Variants in IRAG2 observed in about 807,000 individuals in gnomAD.
The protein encoded by IRAG2 is lymphoid restricted membrane protein.
A neutral mutation model predicts 69.9 loss-of-function variants in IRAG2; 45 were observed. The ratio of observed to expected loss-of-function variants is 0.64; its 90% CI spans 0.51 to 0.83. The LOEUF is 0.83. IRAG2 is among the 40% of genes least tolerant of loss of function. The pLI is 0.00. For missense variants in IRAG2, 520 were observed against 587.0 expected, an observed-to-expected ratio of 0.89 and a Z score of 1.18; for synonymous variants, 193 against 202.4, an observed-to-expected ratio of 0.95 and a Z score of 0.40.
intron 7 of IRAG2, among the ~76,000 whole-genome samples, chr12:25,023,117 A>C (rs1944595244): frequency 7.8e-6 from 1 of 127,772 alleles, no homozygotes; most frequent in Non-Finnish European, 1.7e-5. Context: ...CAAGAGCGAG[A>C]CTTCGTCTCA....
chr12:25,055,527 A>G (rs1565540544), intron 1 of IRAG2, among the ~76,000 whole-genome samples: 1 of 152,196 alleles, frequency 6.6e-6, no homozygotes. Context: ...TTATATATGT[A>G]TACATGTACC....
intron 17 of IRAG2, chr12:25,103,470 AT>A: frequency 6.0e-6 from 1 of 165,580 alleles, no homozygotes; most frequent in Non-Finnish European, 1.3e-5. Context: ...AAAATTCAAT[AT>A]AAACAAAATT....
At chr12:25,052,105 T>C, upstream of IRAG2, 1 of 393,542 alleles carries the variant, frequency 2.5e-6, no homozygotes, top group Admixed American at 4.4e-5. Flanking sequence ...ACTTTCACTT[T>C]TTCCTCTGAT....
At chr12:25,029,243 TA>T (rs1944650006) in intron 9 of IRAG2, among the ~76,000 whole-genome samples, 1 of 152,204 alleles carries the variant, frequency 6.6e-6, no homozygotes, top group Non-Finnish European at 1.5e-5. Flanking sequence ...TCTTAGACAT[TA>T]AAATTAATTC....
At chr12:25,079,561 C>T (rs555347722) in intron 8 of IRAG2, 95 bp from the exon 9 acceptor site, 1 of 1,305,046 alleles carries the variant, frequency 7.7e-7, no homozygotes, top group South Asian at 1.2e-5. Context: ...ATGAGAAGAA[C>T]ATAGGCAAAT....
At chr12:25,087,548 A>G (rs1276477260) in intron 10 of IRAG2, among the ~76,000 whole-genome samples, 1 of 152,106 alleles carries the variant, frequency 6.6e-6, no homozygotes, top group Non-Finnish European at 1.5e-5. Flanking sequence ...TGTAATTCAC[A>G]TCATGTTTGC....
chr12:25,104,539 A>C (rs902719291), intron 20 of IRAG2, 77 bp downstream of exon 20: 1 of 810,350 alleles, frequency 1.2e-6, no homozygotes, highest in African/African-American at 1.7e-5. Context: ...TATTCCATGG[A>C]GATGAAATAA....
intron 1 of IRAG2, among the ~76,000 whole-genome samples, chr12:25,055,330 A>G (rs1025190770): frequency 2.0e-5 from 3 of 152,268 alleles, no homozygotes; most frequent in African/African-American, 7.2e-5. Flanking sequence ...GAAATGTGCC[A>G]TGAAAACTGT....
At chr12:25,024,847 A>C (rs1306868256) in intron 8 of IRAG2, among the ~76,000 whole-genome samples, 1 of 152,254 alleles carries the variant, frequency 6.6e-6, no homozygotes, top group African/African-American at 2.4e-5. Context: ...TATTTAGATG[A>C]GTGACACGTA....
chr12:25,102,496 A>G, intron 17 of IRAG2: 1 of 459,932 alleles, frequency 2.2e-6, no homozygotes, highest in Non-Finnish European at 3.9e-6. Context: ...GGAAGTGGGT[A>G]ACCCGACAAT....
At chr12:25,049,515 TA>T (rs990712606), upstream of IRAG2, among the ~76,000 whole-genome samples, 2 of 151,808 alleles carry the variant, frequency 1.3e-5, no homozygotes, top group Admixed American at 6.6e-5. Context: ...AGAACAACAA[TA>T]AAAAAACACA....
intron 5 of IRAG2, chr12:25,017,054 G>C: frequency 8.8e-7 from 1 of 1,134,158 alleles, no homozygotes; most frequent in Non-Finnish European, 1.1e-6. Flanking sequence ...TCAAAGTTTG[G>C]TTTGTTTAAC....
chr12:25,108,157 C>A lies in IRAG2; in HGVS notation c.*97C>A. On this transcript the variant is annotated 3_prime_UTR_variant, in exon 22 of 22. Transcript: ENST00000556887. ...TTAGCTGGGAAAGTATAGCATGAAA[C>A]CAGAGGTTCTCAGAATGACTGTAAG... 7.3e-7 allele frequency: 1 copy of A among 1,363,258 alleles called. No individual in the cohort carries two copies. Among genetic ancestry groups the A allele is most frequent in the South Asian group, 1.4e-5 (1 of 73,488 alleles). 84.4% of individuals were successfully genotyped at this position (1,363,258 alleles called of 1,614,324 possible). A position where few individuals can be genotyped will look rare whatever the true frequency, so the allele number is the denominator to read the frequency against.
At chr12:25,040,300 G>C (rs1944737577) in intron 16 of IRAG2, among the ~76,000 whole-genome samples, 1 of 152,170 alleles carries the variant, frequency 6.6e-6, no homozygotes, top group African/African-American at 2.4e-5. Flanking sequence ...TTTGAGCCTG[G>C]GAGTTCAGAC....
chr12:25,107,194 G>A (rs887996464), intron 21 of IRAG2, 144 bp downstream of exon 21: 1 of 434,242 alleles, frequency 2.3e-6, no homozygotes, highest in Non-Finnish European at 4.2e-6. Flanking sequence ...TGTATGTCAG[G>A]TTATCCTTGA....
At chr12:25,005,152 GT>G in intron 1 of IRAG2, 1 of 608,048 alleles carries the variant, frequency 1.6e-6, no homozygotes, top group Non-Finnish European at 2.4e-6. Context: ...ATTATGATAG[GT>G]TTTCTTTGTT....
chr12:25,066,471 A>C lies in IRAG2; in HGVS notation c.-100A>C. On this transcript the variant is annotated 5_prime_UTR_variant, in exon 5 of 22. Transcript: ENST00000556887. Reference sequence around the variant, plus strand: ...CTCTGTGTGAAAGGCCCACATATGGAGAAGTAAAGGATGGTGCTTTGGATG... The same window carrying C: ...CTCTGTGTGAAAGGCCCACATATGGCGAAGTAAAGGATGGTGCTTTGGATG... 1 of 401,288 alleles carries C rather than the reference A, an allele frequency of 2.5e-6. No homozygotes were observed. The allele number at this position is 401,288 out of a possible 1,614,324, so 24.9% of individuals were successfully genotyped here.
chr12:25,006,045 C>A lies in IRAG2; in HGVS notation c.688+691C>A, dbSNP rs183977703. ...AAACAATTCAACAAACAAAAAATAACCTCATTAAAAAGTGGGCAAAGGACA... is the reference window on the plus strand; with the variant it reads ...AAACAATTCAACAAACAAAAAATAAACTCATTAAAAAGTGGGCAAAGGACA... On this transcript the variant is annotated intron_variant, in intron 2 of 38. Coordinates refer to the IRAG2 transcript ENST00000636465. Among the ~76,000 whole-genome samples, 18 of 152,220 alleles carry A rather than the reference C, an allele frequency of 1.2e-4. No individual in the cohort carries two copies. In the East Asian group the frequency reaches 2.1e-3, roughly 18 times the overall value.
chr12:25,016,755 GA>G (rs34765422), intron 5 of IRAG2, among the ~76,000 whole-genome samples: 4,295 of 132,400 alleles, frequency 0.032, 172 homozygotes, highest in African/African-American at 0.099. Flanking sequence ...CTCAAAAAAT[GA>G]AAAAAAAAAA....
Sources: allele counts gnomAD v4.1 joint callset (sites outside exome capture counted in the v4.1 genomes callset), GRCh38; gene constraint gnomAD v4.1.1; transcripts MANE v1.5; gene names NCBI Gene and HGNC (gene_info 2026-07-23, HGNC 2026-07-21).